Variants in POLL observed in about 807,000 individuals in gnomAD.
The protein encoded by POLL is DNA polymerase beta-2.
Under a neutral mutation model 58.1 loss-of-function variants are expected in POLL, and 44 were observed. That is an observed-to-expected ratio of 0.76 (90% confidence interval 0.60 to 0.97). The LOEUF (loss-of-function observed/expected upper bound fraction) is 0.97, where lower values mean the gene tolerates loss of function less well. POLL is among the 50% of genes least tolerant of loss of function. The probability of loss-of-function intolerance (pLI) is 0.00; values close to 1 mark genes in which losing one functional copy is unlikely to be tolerated. For missense variants in POLL, 632 were observed against 736.8 expected (o/e 0.86, Z 1.65); for synonymous variants, 290 against 283.2 (o/e 1.02, Z -0.24).
intron 3 of POLL, 29 bp downstream of exon 3, chr10:101,585,833 A>G: frequency 1.3e-6 from 2 of 1,501,468 alleles, no homozygotes; most frequent in Non-Finnish European, 1.8e-6. Flanking sequence ...ACTAGAAAAC[A>G]TTTGAAAAAA....
chr10:101,579,965 A>G lies in POLL; in HGVS notation c.1364-148T>C. The G allele has an allele frequency of 1.2e-6, 1 of 864,502 alleles. No homozygotes were observed. Among genetic ancestry groups the G allele is most frequent in the Non-Finnish European group, 1.7e-6 (1 of 572,588 alleles). The allele number at this position is 864,502 out of a possible 1,614,324, so 53.6% of individuals were successfully genotyped here. A position where few individuals can be genotyped will look rare whatever the true frequency, so the allele number is the denominator to read the frequency against. The stretch of plus-strand genomic sequence containing the variant: ...TCTCTGGGCCCTTCTCCTTTTCTGT[A>G]AAACATGGATAGTAATTCCCATCTC... On this transcript the variant is annotated intron_variant, in intron 8 of 8. Coordinates refer to ENST00000370162, the MANE Select transcript of POLL (RefSeq NM_001174084.2). This position sits in a 1 kb window ranked among gnomAD's most constrained non-coding sequence, Gnocchi z 4.4.
In POLL at chr10:101,587,944, G is replaced by C. The variant is rs1472466915; in HGVS notation, c.-169C>G. On this transcript the variant is annotated 5_prime_UTR_variant, in exon 1 of 9. Coordinates refer to ENST00000370162, the MANE Select transcript of POLL (RefSeq NM_001174084.2). Reference sequence around the variant, plus strand: ...TCAGCGCCGCAGCTGCGGGGAGATGGGGCACGGCCGCAGCAGGTGTGGGGA... The same window carrying C: ...TCAGCGCCGCAGCTGCGGGGAGATGCGGCACGGCCGCAGCAGGTGTGGGGA... The C allele has an allele frequency of 2.2e-5, 27 of 1,245,588 alleles. No individual in the cohort carries two copies. In the South Asian group the frequency reaches 3.1e-4, roughly 14 times the overall value. 77.2% of individuals were successfully genotyped at this position (1,245,588 alleles called of 1,614,324 possible). A position where few individuals can be genotyped will look rare whatever the true frequency, so the allele number is the denominator to read the frequency against.
chr10:101,579,254 C>T lies in POLL; in HGVS notation c.*199G>A. On this transcript the variant is annotated 3_prime_UTR_variant, in exon 9 of 9. Coordinates refer to ENST00000370162, the MANE Select transcript of POLL (RefSeq NM_001174084.2). This position sits in a 1 kb window ranked among gnomAD's most constrained non-coding sequence, Gnocchi z 4.4. ...CAGCCTGCTCCTGTCTGGGAGAGGGCTGGGCAGACACTGGGAGCCGGGCAG... is the reference window on the plus strand; with the variant it reads ...CAGCCTGCTCCTGTCTGGGAGAGGGTTGGGCAGACACTGGGAGCCGGGCAG... The T allele has an allele frequency of 3.2e-6, 2 of 622,942 alleles. No individual in the cohort carries two copies. The highest frequency in any genetic ancestry group is 4.0e-5 in the South Asian group (2 of 49,488). The allele number at this position is 622,942 out of a possible 1,614,324, so 38.6% of individuals were successfully genotyped here.
chr10:101,585,823 AC>A (rs1564874990), intron 3 of POLL, 38 bp downstream of exon 3: 1 of 1,465,174 alleles, frequency 6.8e-7, no homozygotes, highest in East Asian at 2.3e-5. Context: ...TCAAGATGCT[AC>A]TAGAAAACAT....
chr10:101,580,247 C>T lies in POLL; in HGVS notation c.1363+1G>A, dbSNP rs1362284661. On this transcript the variant is annotated splice_donor_variant, in intron 8 of 8. Coordinates refer to ENST00000370162, the MANE Select transcript of POLL (RefSeq NM_001174084.2). LOFTEE classifies it high-confidence loss of function. This position sits in a 1 kb window ranked among gnomAD's most constrained non-coding sequence, Gnocchi z 4.1. The stretch of plus-strand genomic sequence containing the variant: ...TGCTCACCCAGAGATGGAGCTTATA[C>T]CTTCCTGCCGAAGACTGTCAAGGAG... The T allele has an allele frequency of 6.2e-7, 1 of 1,612,552 alleles. No homozygotes were observed. Among genetic ancestry groups the T allele is most frequent in the Non-Finnish European group, 8.5e-7 (1 of 1,179,256 alleles).
rs141990972 is a variant in POLL, at chr10:101,587,070, A to C, written c.115+176T>G. The C allele has an allele frequency of 1.3e-5, 18 of 1,357,412 alleles. No homozygotes were observed. In the East Asian group the frequency reaches 4.3e-4, roughly 32 times the overall value. 84.1% of individuals were successfully genotyped at this position (1,357,412 alleles called of 1,614,324 possible). ...TAGAAAAGAAGGTAACACAGCAAATAGCCTGTCCAAGACCCAGGACCAAGC... is the reference window on the plus strand; with the variant it reads ...TAGAAAAGAAGGTAACACAGCAAATCGCCTGTCCAAGACCCAGGACCAAGC... On this transcript the variant is annotated intron_variant, in intron 2 of 8. Coordinates refer to ENST00000370162, the MANE Select transcript of POLL (RefSeq NM_001174084.2).
chr10:101,579,034 G>A lies in POLL; in HGVS notation c.*419C>T, dbSNP rs1162920718. On this transcript the variant is annotated 3_prime_UTR_variant, in exon 9 of 9. Transcript: ENST00000370162. The surrounding 1 kb of genome is among the most constrained non-coding windows in gnomAD (Gnocchi z 4.4). ...AATGGCTGTTCTCCTACCCCAGAGGGTGCCGGATGATGTTGACAGCACGGC... is the reference window on the plus strand; with the variant it reads ...AATGGCTGTTCTCCTACCCCAGAGGATGCCGGATGATGTTGACAGCACGGC... 5 of 220,430 alleles carry A rather than the reference G, an allele frequency of 2.3e-5. No individual in the cohort carries two copies. Among genetic ancestry groups the A allele is most frequent in the Non-Finnish European group, 3.6e-5 (4 of 110,158 alleles). The allele number at this position is 220,430 out of a possible 1,614,324, so 13.7% of individuals were successfully genotyped here.
rs971109736 is a variant in POLL at position 101,580,106 on chromosome 10, G to A, written c.1363+142C>T. On this transcript the variant is annotated intron_variant, in intron 8 of 8. Coordinates refer to ENST00000370162, the MANE Select transcript of POLL (RefSeq NM_001174084.2). This position sits in a 1 kb window ranked among gnomAD's most constrained non-coding sequence, Gnocchi z 4.1. Reference sequence around the variant, plus strand: ...TCTCCCTGGAGAGGATTCCGGCCCCGATAGAGAGATGGGATGCTGGCAAAG... The same window carrying A: ...TCTCCCTGGAGAGGATTCCGGCCCCAATAGAGAGATGGGATGCTGGCAAAG... 3.4e-5 allele frequency: 27 copies of A among 791,598 alleles called. No homozygotes were observed. The highest frequency in any genetic ancestry group is 2.6e-4 in the African/African-American group (15 of 57,682). 49.0% of individuals were successfully genotyped at this position (791,598 alleles called of 1,614,324 possible). A position where few individuals can be genotyped will look rare whatever the true frequency, so the allele number is the denominator to read the frequency against.
chr10:101,584,740 A>G lies in POLL; in HGVS notation c.753T>C (p.Asn251=), dbSNP rs1442686373. The G allele has an allele frequency of 1.2e-6, 2 of 1,613,892 alleles. No individual in the cohort carries two copies. The highest frequency in any genetic ancestry group is 1.7e-6 in the Non-Finnish European group (2 of 1,179,978). ...CAQPSSQKAT[N]HNLHITEKLE... ...GCTTCTCTGTGATATGGAGGTTGTG[A>G]TTGGTCGCCTTCTGGCTTGAGGGCT... Residue 251 remains asparagine (N), a synonymous_variant, in exon 5 of 9, where the codon AAT becomes AAC. Transcript: ENST00000370162.
At position 101,580,197 on chromosome 10, in the gene POLL, A is replaced by T; in HGVS notation, c.1363+51T>A. 1.3e-6 allele frequency: 2 copies of T among 1,539,882 alleles called. No individual in the cohort carries two copies. The highest frequency in any genetic ancestry group is 1.8e-6 in the Non-Finnish European group (2 of 1,132,834). On this transcript the variant is annotated intron_variant, in intron 8 of 8. Transcript: ENST00000370162. This position sits in a 1 kb window ranked among gnomAD's most constrained non-coding sequence, Gnocchi z 4.1. ...AGGTTCTCCCTCTGAGGGGGCCCCC[A>T]GACCTGTGCTGCCCTCTGTCAACCT...
Position 101,579,584 on chromosome 10 carries a change from T to C in POLL, c.1597A>G (p.Ser533Gly). ...TGGGTGTTCCGGACCACAGCAGTGC[T>C]GAGGGCATGTTCTGACAGACTCATG... Reference protein sequence around the residue: ...KGMSLSEHALSTAVVRNTHGC... With the variant: ...KGMSLSEHALGTAVVRNTHGC... The change falls in exon 9 of 9, where the codon AGC (serine) becomes GGC (glycine). Residue 533 changes from serine to glycine, a missense_variant. Transcript: ENST00000370162. This position sits in a 1 kb window ranked among gnomAD's most constrained non-coding sequence, Gnocchi z 4.4. 6.2e-7 allele frequency: 1 copy of C among 1,613,972 alleles called. No homozygotes were observed. Among genetic ancestry groups the C allele is most frequent in the East Asian group, 2.2e-5 (1 of 44,862 alleles).
rs967243231 is a variant in POLL at position 101,580,127 on chromosome 10, C to G, written c.1363+121G>C. ...CCCCGATAGAGAGATGGGATGCTGG[C>G]AAAGCACTGTTCCCCTGCTTCCTGC... is the stretch of plus-strand genomic sequence containing the variant. On this transcript the variant is annotated intron_variant, in intron 8 of 8. Transcript: ENST00000370162. This position sits in a 1 kb window ranked among gnomAD's most constrained non-coding sequence, Gnocchi z 4.1. The G allele has an allele frequency of 1.1e-6, 1 of 912,864 alleles. No individual in the cohort carries two copies. Among genetic ancestry groups the G allele is most frequent in the African/African-American group, 1.7e-5 (1 of 60,310 alleles). The allele number at this position is 912,864 out of a possible 1,614,324, so 56.5% of individuals were successfully genotyped here. A position where few individuals can be genotyped will look rare whatever the true frequency, so the allele number is the denominator to read the frequency against.
rs1218985190 is a variant in POLL, at chr10:101,580,325, T to G, written c.1286A>C (p.Asp429Ala). The G allele has an allele frequency of 6.2e-7, 1 of 1,614,014 alleles. No individual in the cohort carries two copies. Among genetic ancestry groups the G allele is most frequent in the South Asian group, 1.1e-5 (1 of 91,078 alleles). ...GCCATCTGGGTGAGTGATGAGCACG[T>G]CGACATCACCACAGGTCGCCTTTCC... ...RRGKATCGDV[D>A]VLITHPDGRS... Residue 429 changes from aspartate to alanine, a missense_variant, in exon 8 of 9, where the codon GAC becomes GCC. By Grantham distance (126) the Asp-to-Ala change is moderately radical. Transcript: ENST00000370162. The surrounding 1 kb of genome is among the most constrained non-coding windows in gnomAD (Gnocchi z 4.1).
intron 1 of POLL, 29 bp from the exon 2 acceptor site, chr10:101,587,435 C>T (rs775299252): frequency 5.0e-6 from 8 of 1,603,832 alleles, no homozygotes; most frequent in Non-Finnish European, 6.8e-6. Flanking sequence ...AATTGAGGCC[C>T]TCCAACCCCT....
At chr10:101,587,031 T>C (rs3730461) in intron 2 of POLL, 4 of 939,186 alleles carry the variant, frequency 4.3e-6, no homozygotes, top group East Asian at 3.0e-5. Flanking sequence ...TTCTGATGGA[T>C]AGAGGTCTTC....
At chr10:101,584,528 T>G in intron 5 of POLL, 74 bp downstream of exon 5, 1 of 1,087,694 alleles carries the variant, frequency 9.2e-7, no homozygotes, top group Non-Finnish European at 1.3e-6. Flanking sequence ...TCTTCACCAC[T>G]GTACCTGAAC....
Position 101,578,973 on chromosome 10 carries a change from C to A in POLL, c.*480G>T, listed in dbSNP as rs1055364. 0.24 allele frequency: 40,669 copies of A among 171,750 alleles called. 5,231 individuals are homozygous for A. Among genetic ancestry groups the A allele is most frequent in the Non-Finnish European group, 0.29 (22,907 of 78,982 alleles). 10.6% of individuals were successfully genotyped at this position (171,750 alleles called of 1,614,324 possible). On this transcript the variant is annotated 3_prime_UTR_variant, in exon 9 of 9. Transcript: ENST00000370162. Reference sequence around the variant, plus strand: ...ACCCCATTCCCAGCACCACCAGCTGCCCAGGAAGCAGGACGGATAGAGGGA... The same window carrying A: ...ACCCCATTCCCAGCACCACCAGCTGACCAGGAAGCAGGACGGATAGAGGGA...
Position 101,579,707 on chromosome 10 carries a change from T to C in POLL, c.1474A>G (p.Ile492Val). The C allele has an allele frequency of 3.7e-6, 6 of 1,613,758 alleles. No individual in the cohort carries two copies. Among genetic ancestry groups the C allele is most frequent in the Non-Finnish European group, 5.1e-6 (6 of 1,179,982 alleles). ...GCAAACTCGCTATAGGGCACCACGA[T>C]GATGTCCAGGCGCCGGTGCCGCCGC... ...PGRRHRRLDI[I>V]VVPYSEFACA... Residue 492 changes from isoleucine (I) to valine (V), a missense_variant, in exon 9 of 9, where the codon ATC (isoleucine) becomes GTC (valine). Physicochemically the swap from Ile to Val is conservative, Grantham distance 29. Coordinates refer to ENST00000370162, the MANE Select transcript of POLL (RefSeq NM_001174084.2). This position sits in a 1 kb window ranked among gnomAD's most constrained non-coding sequence, Gnocchi z 4.4.
At chr10:101,584,056 T>C (rs1378670447) in intron 5 of POLL, among the ~76,000 whole-genome samples, 1 of 152,212 alleles carries the variant, frequency 6.6e-6, no homozygotes, top group African/African-American at 2.4e-5. Context: ...TAGTAGCCCC[T>C]TTTTACTAAT....
Sources: allele counts gnomAD v4.1 joint callset (sites outside exome capture counted in the v4.1 genomes callset), GRCh38; gene constraint gnomAD v4.1.1; non-coding constraint Gnocchi (gnomAD v3.1); transcripts MANE v1.5; gene names NCBI Gene and HGNC (gene_info 2026-07-23, HGNC 2026-07-21).